Variants in FOXP1 observed in about 807,000 individuals in gnomAD.
FOXP1 encodes forkhead box P1, also known as forkhead box protein P1.
In FOXP1, 15 loss-of-function variants were observed where a neutral mutation model predicts 98.2. That is an observed-to-expected ratio of 0.15 (90% CI 0.10 to 0.24). FOXP1 has a LOEUF of 0.24. FOXP1 is among the 10% of genes least tolerant of loss of function. The pLI is 1.00. For synonymous variants in FOXP1, 371 were observed against 314.5 expected (o/e 1.18, Z -1.90); for missense variants, 633 against 848.5 (o/e 0.75, Z 3.15).
At chr3:71,298,656 A>G (rs2073574283) in intron 5 of FOXP1, among the ~76,000 whole-genome samples, 1 of 152,142 alleles carries the variant, frequency 6.6e-6, no homozygotes, top group Admixed American at 6.5e-5. Flanking sequence ...TCATTTAAAC[A>G]ATATAGATGG....
At chr3:71,085,632 T>A (rs2054962707) in intron 7 of FOXP1, among the ~76,000 whole-genome samples, 1 of 151,864 alleles carries the variant, frequency 6.6e-6, no homozygotes, top group African/African-American at 2.4e-5. Flanking sequence ...ATAACATTAT[T>A]AGCACCTTTC....
chr3:71,548,711 T>C (rs187735558), intron 2 of FOXP1, among the ~76,000 whole-genome samples: 28 of 152,334 alleles, frequency 1.8e-4, no homozygotes, highest in Non-Finnish European at 4.4e-5. Context: ...ATTTCTTTTT[T>C]ATTTATTCCT....
At chr3:71,339,625 C>T (rs2076896422) in intron 4 of FOXP1, among the ~76,000 whole-genome samples, 2 of 152,154 alleles carry the variant, frequency 1.3e-5, no homozygotes, top group South Asian at 2.1e-4. Flanking sequence ...CTCATTACAG[C>T]GTTAAGGTTC....
intron 2 of FOXP1, among the ~76,000 whole-genome samples, chr3:71,524,433 T>C (rs557191733): frequency 6.6e-6 from 1 of 151,652 alleles, no homozygotes; most frequent in East Asian, 1.9e-4. Context: ...CTCAATCAAG[T>C]TTTAAGTCTA....
At chr3:70,978,165 C>T (rs2037997514) in intron 14 of FOXP1, 136 bp from the exon 15 acceptor site, 7 of 729,538 alleles carry the variant, frequency 9.6e-6, no homozygotes, top group South Asian at 9.0e-5. Flanking sequence ...TTACCATGAA[C>T]CGAAACACAC....
At chr3:71,424,287 A>G (rs1478849582) in intron 3 of FOXP1, among the ~76,000 whole-genome samples, 2 of 152,166 alleles carry the variant, frequency 1.3e-5, no homozygotes, top group African/African-American at 2.4e-5. Flanking sequence ...ATAAATCCCA[A>G]TTTGGGCTTT....
At chr3:71,283,705 A>G (rs1355557748) in intron 5 of FOXP1, among the ~76,000 whole-genome samples, 1 of 152,148 alleles carries the variant, frequency 6.6e-6, no homozygotes, top group East Asian at 1.9e-4. Flanking sequence ...TGATCCACCC[A>G]ATTTGCAAAA....
chr3:71,506,919 C>A (rs888870660), intron 2 of FOXP1, among the ~76,000 whole-genome samples: 1 of 152,198 alleles, frequency 6.6e-6, no homozygotes, highest in Admixed American at 6.5e-5. Flanking sequence ...AAGTCCCTAC[C>A]TCCAAGCATT....
intron 6 of FOXP1, among the ~76,000 whole-genome samples, chr3:71,192,744 T>G (rs1458467459): frequency 6.6e-6 from 1 of 151,642 alleles, no homozygotes; most frequent in Admixed American, 6.6e-5. Flanking sequence ...CGACCTCCCA[T>G]GCTCAAGGGA....
chr3:71,382,589 C>T (rs1018271223), intron 3 of FOXP1, among the ~76,000 whole-genome samples: 3 of 152,214 alleles, frequency 2.0e-5, no homozygotes, highest in African/African-American at 4.8e-5. Context: ...TCCTGCTTCA[C>T]ATGTGCAAGG....
At chr3:71,207,750 G>A (rs1355273891) in intron 5 of FOXP1, among the ~76,000 whole-genome samples, 2 of 150,914 alleles carry the variant, frequency 1.3e-5, no homozygotes, top group African/African-American at 4.9e-5. Flanking sequence ...AAAAAAAAAT[G>A]ATGATATGAT....
At chr3:71,114,122 A>T (rs1414989329) in intron 6 of FOXP1, among the ~76,000 whole-genome samples, 1 of 152,258 alleles carries the variant, frequency 6.6e-6, no homozygotes, top group Non-Finnish European at 1.5e-5. Flanking sequence ...CATAGATGTC[A>T]TCAATACATC....
At chr3:71,414,383 G>A (rs1329880753) in intron 3 of FOXP1, among the ~76,000 whole-genome samples, 2 of 152,146 alleles carry the variant, frequency 1.3e-5, no homozygotes, top group African/African-American at 2.4e-5. Flanking sequence ...CTGGGCCTCA[G>A]CCTCTGGCTT....
chr3:71,149,019 G>A (rs1263705007), intron 6 of FOXP1, among the ~76,000 whole-genome samples: 1 of 152,196 alleles, frequency 6.6e-6, no homozygotes, highest in Non-Finnish European at 1.5e-5. Flanking sequence ...AATTTGGATA[G>A]GCCTCAGACA....
intron 4 of FOXP1, among the ~76,000 whole-genome samples, chr3:71,356,335 T>C (rs2078159825): frequency 6.6e-6 from 1 of 152,026 alleles, no homozygotes. Context: ...TATACATAGC[T>C]GCACGTGTCC....
intron 5 of FOXP1, 33 bp from the exon 6 acceptor site, chr3:71,198,425 A>AGG (rs747142970): frequency 5.7e-6 from 3 of 530,232 alleles, no homozygotes; most frequent in African/African-American, 2.4e-5. Context: ...GGGGGGAGGG[A>AGG]GGGGGGGAGA....
At chr3:71,230,403 G>T (rs1452060671) in intron 5 of FOXP1, among the ~76,000 whole-genome samples, 1 of 152,140 alleles carries the variant, frequency 6.6e-6, no homozygotes, top group Non-Finnish European at 1.5e-5. Flanking sequence ...TGCCCTCAGA[G>T]GTAGTACTGT....
chr3:71,403,728 G>A (rs1446545197), intron 3 of FOXP1, among the ~76,000 whole-genome samples: 1 of 152,152 alleles, frequency 6.6e-6, no homozygotes, highest in East Asian at 1.9e-4. Context: ...GCAGGCACCT[G>A]TAGTCCCAGC....
chr3:70,995,028 G>T (rs913976572), intron 13 of FOXP1, among the ~76,000 whole-genome samples: 6 of 151,132 alleles, frequency 4.0e-5, no homozygotes, highest in African/African-American at 1.5e-4. Context: ...GATGTTTTTT[G>T]TATTTTTTTT....
Sources: gnomAD v4.1 joint callset for allele counts (sites outside exome capture counted in the v4.1 genomes callset) on GRCh38, gnomAD v4.1.1 for gene constraint, MANE v1.5 for transcripts, NCBI Gene and HGNC (gene_info 2026-07-23, HGNC 2026-07-21) for gene names.